The following NCKAP1L variants were observed in gnomAD, a reference collection of about 807,000 sequenced individuals.
The protein encoded by NCKAP1L is NCK associated protein 1 like.
NCKAP1L carries 53 observed loss-of-function variants against 139.2 expected under a neutral mutation model. The observed-to-expected ratio is 0.38, with a 90% CI of 0.31 to 0.48. NCKAP1L has a LOEUF of 0.48. Among genes scored for constraint, NCKAP1L ranks in the 20% least tolerant of loss-of-function variants. NCKAP1L has a pLI of 0.98. For missense variants in NCKAP1L, 1,151 were observed against 1,381.9 expected, an observed-to-expected ratio of 0.83 and a Z score of 2.65; for synonymous variants, 468 against 499.7, an observed-to-expected ratio of 0.94 and a Z score of 0.85.
rs913303700 is a variant in NCKAP1L at position 54,523,450 on chromosome 12, G to A, written c.1935G>A (p.Arg645=). The A allele has an allele frequency of 8.1e-6, 13 of 1,614,040 alleles. No homozygotes were observed. The highest frequency in any genetic ancestry group is 1.0e-5 in the Non-Finnish European group (12 of 1,180,036). The change falls in exon 19 of 31, where the codon AGG becomes AGA. Residue 645 remains arginine, a synonymous_variant. Coordinates refer to ENST00000293373, the MANE Select transcript of NCKAP1L (RefSeq NM_005337.5). ...GCAAAGCCAAGAACAAGAAAACCAG[G>A]AAGCAGAGGCAGACTCCCAGAAAAG... ...TISKAKNKKT[R]KQRQTPRKGE... is the part of the protein sequence containing the mutation.
At chr12:54,506,080 C>G (rs1043342806) in intron 3 of NCKAP1L, among the ~76,000 whole-genome samples, 4 of 152,204 alleles carry the variant, frequency 2.6e-5, no homozygotes, top group Non-Finnish European at 5.9e-5. Flanking sequence ...TAAGTTGCTA[C>G]AAACTTTCAA....
chr12:54,523,259 T>A, intron 18 of NCKAP1L, 135 bp from the exon 19 acceptor site: 1 of 962,280 alleles, frequency 1.0e-6, no homozygotes, highest in Non-Finnish European at 1.5e-6. Flanking sequence ...AAGAAAGAGG[T>A]GTGTGGAAGG....
In NCKAP1L at chr12:54,518,463, A is replaced by G. The variant is rs560257262; in HGVS notation, c.1339-188A>G. On this transcript the variant is annotated intron_variant, in intron 13 of 30. Coordinates refer to ENST00000293373, the MANE Select transcript of NCKAP1L (RefSeq NM_005337.5). ...TACATAGAAATAGGAGAGAAAAATA[A>G]AGAGAAACTGGATGTTAGAATGGCA... The G allele has an allele frequency of 4.0e-5, 26 of 656,910 alleles. No individual in the cohort carries two copies. In the East Asian group the frequency reaches 7.1e-4, roughly 18 times the overall value. 40.7% of individuals were successfully genotyped at this position (656,910 alleles called of 1,614,324 possible). A position where few individuals can be genotyped will look rare whatever the true frequency, so the allele number is the denominator to read the frequency against.
In NCKAP1L at chr12:54,523,864, G is replaced by A. The variant is rs1414495597; in HGVS notation, c.2064G>A (p.Leu688=). 1 of 1,614,140 alleles carries A rather than the reference G, an allele frequency of 6.2e-7. No individual in the cohort carries two copies. The highest frequency in any genetic ancestry group is 8.5e-7 in the Non-Finnish European group (1 of 1,180,006). ...ACCTAAACTTGACAGAACTGGCACT[G>A]ACAATGAATCATGTATACAGTTTCT... The part of the protein sequence containing the change: ...KLHLNLTELA[L]TMNHVYSFSV... Residue 688 remains leucine, a synonymous_variant, in exon 20 of 31, where the codon CTG becomes CTA. Transcript: ENST00000293373.
In NCKAP1L at chr12:54,546,326, C is replaced by T. The variant is rs1023310113; in HGVS notation, c.*3641C>T. 11 of 144,864 alleles carry T rather than the reference C, an allele frequency of 7.6e-5. No homozygotes were observed. Among genetic ancestry groups the T allele is most frequent in the African/African-American group, 2.8e-4 (11 of 38,822 alleles). The allele number at this position is 144,864 out of a possible 1,614,324, so 9.0% of individuals were successfully genotyped here. A position where few individuals can be genotyped will look rare whatever the true frequency, so the allele number is the denominator to read the frequency against. ...AGTGAGCGAAGATGATGCCATTGCA[C>T]TCCAGTCTGGGTGACAGAGCAAGAT... On this transcript the variant is annotated 3_prime_UTR_variant, in exon 31 of 31. Transcript: ENST00000293373.
intron 30 of NCKAP1L, among the ~76,000 whole-genome samples, chr12:54,542,237 C>T (rs1163219485): frequency 5.9e-5 from 9 of 152,142 alleles, no homozygotes; most frequent in Admixed American, 3.3e-4. Context: ...TACATCTTTA[C>T]CTGCATCTGT....
At chr12:54,527,163 G>A (rs759530575) in intron 21 of NCKAP1L, among the ~76,000 whole-genome samples, 6 of 152,154 alleles carry the variant, frequency 3.9e-5, no homozygotes, top group Non-Finnish European at 8.8e-5. Context: ...CTTGTCCCCA[G>A]ATGTGACTAT....
At chr12:54,521,638 C>T (rs1413614292) in intron 18 of NCKAP1L, among the ~76,000 whole-genome samples, 1 of 152,184 alleles carries the variant, frequency 6.6e-6, no homozygotes, top group Admixed American at 6.5e-5. Flanking sequence ...TAATCTGTGG[C>T]TCTCTGGACA....
chr12:54,533,512 C>G (rs1427979519), intron 26 of NCKAP1L, among the ~76,000 whole-genome samples: 3 of 151,954 alleles, frequency 2.0e-5, no homozygotes, highest in Non-Finnish European at 2.9e-5. Context: ...CAGAAGGTGG[C>G]AAAGATTTGG....
chr12:54,535,566 G>A (rs1957108258), intron 27 of NCKAP1L, among the ~76,000 whole-genome samples: 1 of 152,148 alleles, frequency 6.6e-6, no homozygotes, highest in African/African-American at 2.4e-5. Flanking sequence ...GGGTTGTGTG[G>A]TATAGCACCC....
In NCKAP1L at chr12:54,538,886, GGCCTCTGTCA is replaced by G; in HGVS notation, c.3193_3202del (p.Val1065CysfsTer32). ...CTTTACAAATTCTTCCCTTACAGGTGGCCTCTGTCAGCCTCTTGCAGCTGGGCCAGGAGAC... is the reference window on the plus strand; with the variant it reads ...CTTTACAAATTCTTCCCTTACAGGTGGCCTCTTGCAGCTGGGCCAGGAGAC... On this transcript the variant is annotated frameshift_variant, in exon 30 of 31. Coordinates refer to ENST00000293373, the MANE Select transcript of NCKAP1L (RefSeq NM_005337.5). LOFTEE classifies it high-confidence loss of function. The G allele has an allele frequency of 1.2e-6, 2 of 1,613,740 alleles. No homozygotes were observed. Among genetic ancestry groups the G allele is most frequent in the Non-Finnish European group, 1.7e-6 (2 of 1,179,726 alleles).
intron 20 of NCKAP1L, among the ~76,000 whole-genome samples, chr12:54,525,391 C>T (rs757504447): frequency 1.3e-4 from 20 of 152,126 alleles, no homozygotes; most frequent in Non-Finnish European, 2.4e-4. Context: ...ATTACATACA[C>T]GTTAACTATA....
chr12:54,527,635 C>G (rs1957036825), intron 21 of NCKAP1L, among the ~76,000 whole-genome samples: 1 of 151,938 alleles, frequency 6.6e-6, no homozygotes, highest in East Asian at 1.9e-4. Flanking sequence ...AGCGTAAATT[C>G]AAAGGAAAAA....
At chr12:54,524,531 G>A (rs775724105) in intron 20 of NCKAP1L, among the ~76,000 whole-genome samples, 2 of 152,158 alleles carry the variant, frequency 1.3e-5, no homozygotes, top group Non-Finnish European at 2.9e-5. Flanking sequence ...CTGCAAGTGG[G>A]TGAATGGGAG....
chr12:54,526,091 T>C (rs554781031), intron 20 of NCKAP1L, among the ~76,000 whole-genome samples: 1 of 152,352 alleles, frequency 6.6e-6, no homozygotes, highest in East Asian at 1.9e-4. Context: ...TTTCCATTTC[T>C]GGCAGTGATC....
chr12:54,532,267 A>G lies in NCKAP1L; in HGVS notation c.2862+17A>G. ...GACATCAAGGTATGGAGGAGTGCAA[A>G]GTAGAATCTAATTAGGAGACTTTTG... On this transcript the variant is annotated intron_variant, in intron 26 of 30. Coordinates refer to ENST00000293373, the MANE Select transcript of NCKAP1L (RefSeq NM_005337.5). 1 of 1,592,698 alleles carries G rather than the reference A, an allele frequency of 6.3e-7. No individual in the cohort carries two copies. The highest frequency in any genetic ancestry group is 8.6e-7 in the Non-Finnish European group (1 of 1,167,358).
intron 30 of NCKAP1L, among the ~76,000 whole-genome samples, chr12:54,542,007 G>A (rs1957161648): frequency 6.6e-6 from 1 of 151,728 alleles, no homozygotes; most frequent in African/African-American, 2.4e-5. Context: ...CTTGGCTGTG[G>A]GGGCTGCTGG....
In NCKAP1L at chr12:54,535,115, T is replaced by C; in HGVS notation, c.2874T>C (p.Ser958=). 1.2e-6 allele frequency: 2 copies of C among 1,613,496 alleles called. No individual in the cohort carries two copies. Among genetic ancestry groups the C allele is most frequent in the South Asian group, 2.2e-5 (2 of 90,962 alleles). The change falls in exon 27 of 31, where the codon AGT becomes AGC. Residue 958 remains serine (S), a synonymous_variant. Transcript: ENST00000293373. ...TPDTDIKVTL[S]IFELASAAGV... ...TTTCTTCTCTCCAGGTGACCTTGAGTATCTTTGAGCTGGCATCTGCTGCAG... is the reference window on the plus strand; with the variant it reads ...TTTCTTCTCTCCAGGTGACCTTGAGCATCTTTGAGCTGGCATCTGCTGCAG...
intron 21 of NCKAP1L, among the ~76,000 whole-genome samples, chr12:54,527,865 A>G (rs1957039019): frequency 6.6e-6 from 1 of 152,178 alleles, no homozygotes; most frequent in African/African-American, 2.4e-5. Context: ...GTTTGAGAGT[A>G]TATTTCAAAG....
Sources: gnomAD v4.1 joint callset for allele counts (sites outside exome capture counted in the v4.1 genomes callset) on GRCh38, gnomAD v4.1.1 for gene constraint, MANE v1.5 for transcripts, NCBI Gene and HGNC (gene_info 2026-07-23, HGNC 2026-07-21) for gene names.